The following PTPRT variants were observed in gnomAD, a reference collection of about 807,000 sequenced individuals.
PTPRT encodes the protein protein tyrosine phosphatase receptor type T.
A neutral mutation model predicts 176.8 loss-of-function variants in PTPRT; 56 were observed. That is an observed-to-expected ratio of 0.32 (90% CI 0.26 to 0.40). The LOEUF (loss-of-function observed/expected upper bound fraction) is 0.40. PTPRT is among the 10% of genes least tolerant of loss of function. The probability of loss-of-function intolerance (pLI) is 1.00; values close to 1 mark genes in which losing one functional copy is unlikely to be tolerated. For missense variants in PTPRT, 1,540 were observed against 1,908.2 expected (o/e 0.81, Z 3.60); for synonymous variants, 783 against 739.0 (o/e 1.06, Z -0.96).
chr20:42,237,509 G>T (rs975252847), intron 14 of PTPRT, among the ~76,000 whole-genome samples: 3 of 152,142 alleles, frequency 2.0e-5, no homozygotes, highest in Admixed American at 6.5e-5. Flanking sequence ...TGAGGCTGCT[G>T]CCCCCCACCA....
At chr20:42,387,450 A>G (rs1005436355) in intron 9 of PTPRT, among the ~76,000 whole-genome samples, 6 of 152,250 alleles carry the variant, frequency 3.9e-5, no homozygotes, top group African/African-American at 1.4e-4. Context: ...CAAGTCATAC[A>G]GGCAACAGTG....
chr20:43,004,774 T>C (rs1984767710), intron 1 of PTPRT, among the ~76,000 whole-genome samples: 1 of 152,250 alleles, frequency 6.6e-6, no homozygotes, highest in South Asian at 2.1e-4. Flanking sequence ...ATATATTAGG[T>C]ATGTATTATT....
chr20:42,385,242 A>G (rs985563816), intron 9 of PTPRT, among the ~76,000 whole-genome samples: 22 of 152,328 alleles, frequency 1.4e-4, no homozygotes, highest in African/African-American at 5.3e-4. Flanking sequence ...TAATATTAGT[A>G]CATTAAATCT....
Position 42,470,550 on chromosome 20 carries a change from G to C in PTPRT, c.1450+1716C>G, listed in dbSNP as rs62204878. On this transcript the variant is annotated intron_variant, in intron 8 of 30. Transcript: ENST00000373187. The stretch of plus-strand genomic sequence containing the variant: ...AAGCCATCCCACAAGGCAAGAGGCA[G>C]CCTGGGCTGGCTGGAGGGGAAACTG... Among the ~76,000 whole-genome samples, 1,274 of 152,224 alleles carry C rather than the reference G, an allele frequency of 8.4e-3. 11 individuals are homozygous for C. Among genetic ancestry groups the C allele is most frequent in the Middle Eastern group, 0.014 (4 of 294 alleles).
chr20:42,640,388 C>T (rs559908786), intron 7 of PTPRT, among the ~76,000 whole-genome samples: 2 of 150,594 alleles, frequency 1.3e-5, no homozygotes, highest in Admixed American at 6.6e-5. Flanking sequence ...AGTATAGAGA[C>T]TTCTTTAAAA....
At chr20:42,976,618 G>T (rs923731571) in intron 1 of PTPRT, among the ~76,000 whole-genome samples, 1 of 151,976 alleles carries the variant, frequency 6.6e-6, no homozygotes, top group Non-Finnish European at 1.5e-5. Context: ...TGTTGGCCAG[G>T]CTAGTCTCAA....
At chr20:42,538,468 C>T (rs2072515582) in intron 7 of PTPRT, among the ~76,000 whole-genome samples, 1 of 152,276 alleles carries the variant, frequency 6.6e-6, no homozygotes, top group South Asian at 2.1e-4. Context: ...ACTTATTTTT[C>T]AGTAAACACA....
chr20:42,045,165 C>G, the PTPRT span, among the ~76,000 whole-genome samples: 1 of 152,100 alleles, frequency 6.6e-6, no homozygotes, highest in Non-Finnish European at 1.5e-5. Context: ...GCCATGTAAC[C>G]TAACATATTC....
intron 2 of PTPRT, among the ~76,000 whole-genome samples, chr20:42,853,239 G>T (rs1600476398): frequency 6.6e-6 from 1 of 152,148 alleles, no homozygotes; most frequent in East Asian, 1.9e-4. Context: ...CTTTGTATTA[G>T]TTAAGGTTCT....
chr20:42,613,413 A>G (rs1260200307), intron 7 of PTPRT, among the ~76,000 whole-genome samples: 1 of 152,270 alleles, frequency 6.6e-6, no homozygotes. Context: ...CTGGGCGAAT[A>G]GCCCGTTAAA....
intron 1 of PTPRT, among the ~76,000 whole-genome samples, chr20:42,899,449 C>A (rs1049596846): frequency 6.6e-6 from 1 of 152,240 alleles, no homozygotes; most frequent in South Asian, 2.1e-4. Flanking sequence ...TGCCCTAGCA[C>A]GTGATGTGGC....
At chr20:42,618,750 C>T (rs1251612030) in intron 7 of PTPRT, among the ~76,000 whole-genome samples, 2 of 134,324 alleles carry the variant, frequency 1.5e-5, no homozygotes, top group Non-Finnish European at 3.1e-5. Flanking sequence ...TTATCAGAGA[C>T]TAGGATTGCA....
rs76080238 is a variant in PTPRT at position 42,507,756 on chromosome 20, A to C, written c.1154-35194T>G. ...GGGCCGGTTTCTAATTCCACCAAGAAGACAAGGAAAATGGGTTGCAACAGC... is the reference window on the plus strand; with the variant it reads ...GGGCCGGTTTCTAATTCCACCAAGACGACAAGGAAAATGGGTTGCAACAGC... On this transcript the variant is annotated intron_variant, in intron 7 of 30. Transcript: ENST00000373187. 5.9e-3 allele frequency among the ~76,000 whole-genome samples: 903 copies of C among 152,110 alleles called. 6 individuals carry two copies. The highest frequency in any genetic ancestry group is 0.019 in the African/African-American group (806 of 41,498).
chr20:42,501,309 C>T (rs905963329), intron 7 of PTPRT, among the ~76,000 whole-genome samples: 11 of 152,082 alleles, frequency 7.2e-5, no homozygotes, highest in African/African-American at 1.9e-4. Flanking sequence ...TGTATAAAAG[C>T]GCATTACATG....
chr20:43,145,553 C>G (rs928971244), intron 1 of PTPRT, among the ~76,000 whole-genome samples: 13 of 152,204 alleles, frequency 8.5e-5, no homozygotes, highest in African/African-American at 1.7e-4. Context: ...AATTTAAATA[C>G]TTGCTGCAGG....
At chr20:42,162,874 C>A (rs2146509552) in intron 16 of PTPRT, among the ~76,000 whole-genome samples, 1 of 152,362 alleles carries the variant, frequency 6.6e-6, no homozygotes, top group South Asian at 2.1e-4. Context: ...TACTTCTCGG[C>A]AGCAGCATCG....
chr20:42,135,697 C>T (rs1171182000), intron 18 of PTPRT, among the ~76,000 whole-genome samples: 1 of 152,138 alleles, frequency 6.6e-6, no homozygotes, highest in Non-Finnish European at 1.5e-5. Context: ...GTAAGATGTT[C>T]CAGGCACTTA....
chr20:42,205,215 G>A (rs954766001), intron 15 of PTPRT, among the ~76,000 whole-genome samples: 3 of 151,994 alleles, frequency 2.0e-5, no homozygotes, highest in East Asian at 1.9e-4. Context: ...AGCACCTAAC[G>A]CCTGAATTCC....
chr20:42,147,339 C>A (rs1305506879), intron 17 of PTPRT, among the ~76,000 whole-genome samples: 1 of 152,172 alleles, frequency 6.6e-6, no homozygotes, highest in African/African-American at 2.4e-5. Flanking sequence ...AATGGCCTTC[C>A]AAGCAGCTGA....
Sources: allele counts gnomAD v4.1 joint callset (sites outside exome capture counted in the v4.1 genomes callset), GRCh38; gene constraint gnomAD v4.1.1; transcripts MANE v1.5; gene names NCBI Gene and HGNC (gene_info 2026-07-23, HGNC 2026-07-21).